RASSF3: variants seen among roughly 807,000 people sequenced by gnomAD.
RASSF3 encodes Ras association domain family member 3.
A neutral mutation model predicts 19.9 loss-of-function variants in RASSF3; 19 were observed. That is an observed-to-expected ratio of 0.96 (90% CI 0.67 to 1.40). The LOEUF (loss-of-function observed/expected upper bound fraction) is 1.40. RASSF3 is among the 40% of genes most tolerant of loss of function. The pLI is 0.00. For missense variants in RASSF3, 306 were observed against 289.8 expected, an observed-to-expected ratio of 1.06 and a Z score of -0.41; for synonymous variants, 110 against 104.2, an observed-to-expected ratio of 1.06 and a Z score of -0.34.
intron 1 of RASSF3, chr12:64,654,033 G>A (rs552861650): frequency 1.3e-5 from 2 of 152,372 alleles, no homozygotes; most frequent in East Asian, 3.9e-4. Flanking sequence ...TGTTGCTTCA[G>A]TGTCAGTTTG....
intron 1 of RASSF3, among the ~76,000 whole-genome samples, chr12:64,541,147 G>C (rs1201189069): frequency 6.7e-6 from 1 of 150,286 alleles, no homozygotes; most frequent in Admixed American, 6.7e-5. Flanking sequence ...CACCACATCT[G>C]GCTGATTTTT....
chr12:64,684,007 AGAGT>A (rs767344423), intron 1 of RASSF3, among the ~76,000 whole-genome samples: 5 of 73,436 alleles, frequency 6.8e-5, no homozygotes, highest in Admixed American at 1.4e-4. Context: ...AGAGAGAGAG[AGAGT>A]GAGTGTGTGT....
intron 2 of RASSF3, among the ~76,000 whole-genome samples, chr12:64,588,382 C>T (rs1412521453): frequency 6.6e-6 from 1 of 152,054 alleles, no homozygotes; most frequent in Admixed American, 6.6e-5. Flanking sequence ...GGCATAGAAG[C>T]CTTTAAAATA....
intron 1 of RASSF3, among the ~76,000 whole-genome samples, chr12:64,521,965 T>C (rs901681736): frequency 3.9e-5 from 6 of 152,240 alleles, no homozygotes; most frequent in Admixed American, 1.3e-4. Context: ...GCTGGCTTGG[T>C]TGATTCATCT....
intron 2 of RASSF3, among the ~76,000 whole-genome samples, chr12:64,589,403 T>C (rs1869876559): frequency 6.6e-6 from 1 of 152,116 alleles, no homozygotes; most frequent in African/African-American, 2.4e-5. Context: ...TGAGCCAAGA[T>C]TGTGCCACTG....
At chr12:64,541,437 G>T in intron 1 of RASSF3, 1 of 395,318 alleles carries the variant, frequency 2.5e-6, no homozygotes, top group East Asian at 3.6e-5. Flanking sequence ...GTGAACAGAT[G>T]GGCCCCACAC....
rs1226885486 is a variant in RASSF3 at position 64,675,045 on chromosome 12, GC to G, written c.112-9728del. 7.0e-3 allele frequency among the ~76,000 whole-genome samples: 402 copies of G among 57,404 alleles called. 2 individuals carry two copies. The highest frequency in any genetic ancestry group is 0.017 in the African/African-American group (225 of 13,184). The allele number at this position is 57,404 out of a possible 152,430, so 37.7% of individuals were successfully genotyped here. On this transcript the variant is annotated intron_variant, in intron 1 of 4. Coordinates refer to ENST00000542104, the MANE Select transcript of RASSF3 (RefSeq NM_178169.4). ...AGAAGTTGTCTAAAATACCCACCTA[GC>G]CCCCCCCCCCCCCGCCACCCCGGCT...
intron 1 of RASSF3, among the ~76,000 whole-genome samples, chr12:64,651,657 G>T (rs1345156028): frequency 6.6e-6 from 1 of 152,064 alleles, no homozygotes; most frequent in African/African-American, 2.4e-5. Flanking sequence ...ACCATGCCTG[G>T]CTGGTTGTTG....
rs561078126 is a variant in RASSF3, at chr12:64,695,173, C to T, written c.*261C>T. 14 of 364,078 alleles carry T rather than the reference C, an allele frequency of 3.8e-5. No individual in the cohort carries two copies. The highest frequency in any genetic ancestry group is 2.1e-4 in the Admixed American group (5 of 24,214). The allele number at this position is 364,078 out of a possible 1,614,324, so 22.6% of individuals were successfully genotyped here. ...AACCTGTCGCCTCATCAGGAGCATT[C>T]GAGGGTGCTTGGAAGCATGAACTCT... On this transcript the variant is annotated 3_prime_UTR_variant, in exon 5 of 5. Coordinates refer to ENST00000542104, the MANE Select transcript of RASSF3 (RefSeq NM_178169.4).
chr12:64,674,631 T>C (rs1241386243), intron 1 of RASSF3, among the ~76,000 whole-genome samples: 1 of 152,194 alleles, frequency 6.6e-6, no homozygotes, highest in Non-Finnish European at 1.5e-5. Flanking sequence ...AGCAAAAGTA[T>C]GCACAGGAAA....
chr12:64,620,014 CTGTGTGTG>C (rs68044550), intron 1 of RASSF3, among the ~76,000 whole-genome samples: 20 of 134,166 alleles, frequency 1.5e-4, no homozygotes, highest in Non-Finnish European at 9.3e-5. Context: ...TGCAGGTTGA[CTGTGTGTG>C]TGTGTGTGTG....
At chr12:64,544,191 C>G (rs55699923), downstream of RASSF3, among the ~76,000 whole-genome samples, 1 of 152,098 alleles carries the variant, frequency 6.6e-6, no homozygotes, top group Non-Finnish European at 1.5e-5. Context: ...AAACGCTCAT[C>G]GCGAAGGTCT....
intron 1 of RASSF3, among the ~76,000 whole-genome samples, chr12:64,617,979 T>C (rs1870612265): frequency 6.6e-6 from 1 of 152,220 alleles, no homozygotes. Context: ...GTAATCATCT[T>C]CAAGGTTAGA....
chr12:64,668,902 C>CTCG (rs1234285495), intron 1 of RASSF3, among the ~76,000 whole-genome samples: 1 of 151,598 alleles, frequency 6.6e-6, no homozygotes, highest in Non-Finnish European at 1.5e-5. Context: ...ATCTCCTGAC[C>CTCG]TCGTGATCTG....
At chr12:64,545,191 A>G (rs1869033268), downstream of RASSF3, among the ~76,000 whole-genome samples, 1 of 152,194 alleles carries the variant, frequency 6.6e-6, no homozygotes, top group African/African-American at 2.4e-5. Flanking sequence ...ATTTAATAGG[A>G]TGACTTGGGA....
At chr12:64,663,404 T>A (rs1264506971) in intron 1 of RASSF3, among the ~76,000 whole-genome samples, 3 of 152,106 alleles carry the variant, frequency 2.0e-5, no homozygotes, top group African/African-American at 7.2e-5. Flanking sequence ...AAAAAAAGAA[T>A]ATAATGATTT....
chr12:64,692,216 C>T (rs1233800349), intron 4 of RASSF3, among the ~76,000 whole-genome samples: 1 of 152,134 alleles, frequency 6.6e-6, no homozygotes, highest in Non-Finnish European at 1.5e-5. Flanking sequence ...TGAGCAAATC[C>T]CAAGCTCCTG....
intron 3 of RASSF3, among the ~76,000 whole-genome samples, chr12:64,688,925 G>A (rs998915161): frequency 3.3e-5 from 5 of 152,168 alleles, no homozygotes; most frequent in African/African-American, 4.8e-5. Flanking sequence ...TCAGCGTACT[G>A]ATGGAAACGG....
chr12:64,684,337 G>C (rs574422889), intron 1 of RASSF3, among the ~76,000 whole-genome samples: 1 of 151,658 alleles, frequency 6.6e-6, no homozygotes, highest in Non-Finnish European at 1.5e-5. Flanking sequence ...GCCGTCCTTG[G>C]CCTCTCAAAG....
Sources: allele counts gnomAD v4.1 joint callset (sites outside exome capture counted in the v4.1 genomes callset), GRCh38; gene constraint gnomAD v4.1.1; transcripts MANE v1.5; gene names NCBI Gene and HGNC (gene_info 2026-07-23, HGNC 2026-07-21).